The following NFKB1 variants were observed in gnomAD, a reference collection of about 807,000 sequenced individuals.
The protein encoded by NFKB1 is nuclear factor kappa B subunit 1, also known as nuclear factor NF-kappa-B p105 subunit.
Under a neutral mutation model 105.1 loss-of-function variants are expected in NFKB1, and 9 were observed. That is an observed-to-expected ratio of 0.09 (90% CI 0.05 to 0.15). The LOEUF is 0.15. Ranked by LOEUF, NFKB1 falls within the 10% of genes least tolerant of loss-of-function variation. The pLI is 1.00. For missense variants in NFKB1, 830 were observed against 1,203.7 expected (o/e 0.69, Z 4.59); for synonymous variants, 440 against 442.2 (o/e 1.00, Z 0.06).
chr4:102,570,820 A>G (rs1365705956), intron 6 of NFKB1, among the ~76,000 whole-genome samples: 1 of 152,210 alleles, frequency 6.6e-6, no homozygotes, highest in Non-Finnish European at 1.5e-5. Flanking sequence ...ACCCCTGCTT[A>G]ATGAAATAAA....
chr4:102,541,009 G>C (rs2149131689), intron 5 of NFKB1, among the ~76,000 whole-genome samples: 1 of 152,250 alleles, frequency 6.6e-6, no homozygotes, highest in South Asian at 2.1e-4. Flanking sequence ...GACTGTAAGG[G>C]AAACAGTGGG....
chr4:102,607,522 G>A, intron 18 of NFKB1, 127 bp from the exon 19 acceptor site: 1 of 1,181,600 alleles, frequency 8.5e-7, no homozygotes, highest in Non-Finnish European at 1.2e-6. Flanking sequence ...TTTCTTCAAT[G>A]ACAGAGCCAG....
Position 102,613,582 on chromosome 4 carries a change from G to GC in NFKB1, c.2749+1_2749+2insC. 1 of 1,606,558 alleles carries GC rather than the reference G, an allele frequency of 6.2e-7. No homozygotes were observed. ...CCTGCCTCCACAAGGCAGCAAATAG[G>GC]TAAAAAAAAAGACAAAAGACAGTGG... On this transcript the variant is annotated splice_donor_variant, in intron 23 of 23. Transcript: ENST00000226574. LOFTEE classifies it high-confidence loss of function.
intron 1 of NFKB1, among the ~76,000 whole-genome samples, chr4:102,522,383 C>A (rs112092818): frequency 2.0e-5 from 3 of 152,292 alleles, no homozygotes; most frequent in South Asian, 4.1e-4. Context: ...CTATCACCCA[C>A]GTGAGCCTTG....
chr4:102,570,501 T>C (rs1380327719), intron 6 of NFKB1, among the ~76,000 whole-genome samples: 1 of 152,204 alleles, frequency 6.6e-6, no homozygotes, highest in Non-Finnish European at 1.5e-5. Flanking sequence ...TTTGCTATTG[T>C]GGATACTGCC....
intron 20 of NFKB1, among the ~76,000 whole-genome samples, 199 bp downstream of exon 20, chr4:102,610,898 G>GA (rs1160842404): frequency 6.6e-6 from 1 of 152,178 alleles, no homozygotes; most frequent in African/African-American, 2.4e-5. Context: ...TTCTGAGTAC[G>GA]AAAGTGTATG....
chr4:102,611,722 A>G (rs1436912820), intron 20 of NFKB1, among the ~76,000 whole-genome samples: 2 of 152,202 alleles, frequency 1.3e-5, no homozygotes, highest in Non-Finnish European at 2.9e-5. Flanking sequence ...TCTGAGCAGG[A>G]GATGATTGAC....
intron 5 of NFKB1, among the ~76,000 whole-genome samples, chr4:102,539,311 C>T (rs1741849971): frequency 1.3e-5 from 2 of 151,638 alleles, no homozygotes; most frequent in Admixed American, 6.6e-5. Context: ...CTTCCTTTTC[C>T]TCTTATCCAT....
chr4:102,584,438 A>G (rs1725556328), intron 10 of NFKB1, among the ~76,000 whole-genome samples: 1 of 152,250 alleles, frequency 6.6e-6, no homozygotes, highest in South Asian at 2.1e-4. Flanking sequence ...CAAATGAAAT[A>G]ATAAAGCTTC....
At chr4:102,613,622 T>TC in intron 23 of NFKB1, 41 bp downstream of exon 23, 1 of 1,587,308 alleles carries the variant, frequency 6.3e-7, no homozygotes, top group Non-Finnish European at 8.6e-7. Flanking sequence ...ATTTTCCAGC[T>TC]CCCCCAGGCT....
chr4:102,503,102 C>T (rs1373004853), intron 1 of NFKB1, among the ~76,000 whole-genome samples: 1 of 152,006 alleles, frequency 6.6e-6, no homozygotes, highest in Non-Finnish European at 1.5e-5. Flanking sequence ...CTGTTTGAGG[C>T]ACTATAGGAA....
Position 102,616,535 on chromosome 4 carries a change from ACT to A in NFKB1, c.2855_2856del (p.Leu952GlnfsTer6). 6.2e-7 allele frequency: 1 copy of A among 1,614,058 alleles called. No homozygotes were observed. Among genetic ancestry groups the A allele is most frequent in the Non-Finnish European group, 8.5e-7 (1 of 1,180,008 alleles). ...TCTGACCAGTGGTGCCTCACTGCTA[ACT>A]CTCAACAAAATGCCCCATGATTATG... Reference protein sequence around the residue: ...ESLTSGASLLTLNKMPHDYGQ... With the variant: ...ESLTSGASLLXLNKMPHDYGQ... On this transcript the variant is annotated frameshift_variant, in exon 24 of 24. Coordinates refer to ENST00000226574, the MANE Select transcript of NFKB1 (RefSeq NM_003998.4). LOFTEE classifies it high-confidence loss of function.
At chr4:102,597,934 T>G (rs1250985268) in intron 15 of NFKB1, among the ~76,000 whole-genome samples, 1 of 152,222 alleles carries the variant, frequency 6.6e-6, no homozygotes, top group Admixed American at 6.5e-5. Context: ...TAGGTAATGG[T>G]ACTTTTTGAA....
At position 102,596,164 on chromosome 4, in the gene NFKB1, G is replaced by C. The variant is rs183929764; in HGVS notation, c.1327G>C (p.Asp443His). The C allele has an allele frequency of 6.2e-6, 10 of 1,605,100 alleles. No individual in the cohort carries two copies. In the East Asian group the frequency reaches 1.1e-4, roughly 18 times the overall value. Residue 443 changes from aspartate to histidine, a missense_variant, in exon 14 of 24, where the codon GAC (aspartate) becomes CAC (histidine). Around this residue, in one of 8 missense-constraint regions of NFKB1, gnomAD observed 163 missense variants for 164.3 expected, o/e 0.99. Transcript: ENST00000226574. ...HGTMDTESKKDPEGCDKSDDK... is the reference protein window; with the variant it reads ...HGTMDTESKKHPEGCDKSDDK... Reference sequence around the variant, plus strand: ...AACCATGGACACTGAATCTAAAAAGGACCCTGAAGGTTGTGACAAAAGTGA... The same window carrying C: ...AACCATGGACACTGAATCTAAAAAGCACCCTGAAGGTTGTGACAAAAGTGA...
chr4:102,610,274 C>T (rs1157838761), intron 19 of NFKB1, among the ~76,000 whole-genome samples: 1 of 152,170 alleles, frequency 6.6e-6, no homozygotes, highest in East Asian at 1.9e-4. Flanking sequence ...ATTAAAGATG[C>T]ACTATTCAGT....
At chr4:102,547,762 A>G (rs1292375786) in intron 5 of NFKB1, among the ~76,000 whole-genome samples, 2 of 152,050 alleles carry the variant, frequency 1.3e-5, no homozygotes, top group Non-Finnish European at 2.9e-5. Flanking sequence ...CAGTCTATTA[A>G]TTTATTTTTA....
At position 102,612,810 on chromosome 4, in the gene NFKB1, G is replaced by A. The variant is rs556291461; in HGVS notation, c.2592+204G>A. Among the ~76,000 whole-genome samples the A allele has an allele frequency of 3.9e-5, 6 of 151,966 alleles. No homozygotes were observed. The South Asian group carries it at 8.4e-4, about 21-fold the overall frequency. On this transcript the variant is annotated intron_variant, in intron 22 of 23. Coordinates refer to ENST00000226574, the MANE Select transcript of NFKB1 (RefSeq NM_003998.4). ...TTTCAGATACCTTCAGATTTTCCCC[G>A]TTTTCAAATACCTGGAGACTTCCTG...
chr4:102,534,028 T>G, intron 4 of NFKB1, 143 bp downstream of exon 4: 1 of 702,580 alleles, frequency 1.4e-6, no homozygotes, highest in South Asian at 1.8e-5. Context: ...TGTAACAGCT[T>G]TATTCATTCA....
At chr4:102,601,368 TATA>T (rs1342135671) in intron 16 of NFKB1, among the ~76,000 whole-genome samples, 2 of 152,208 alleles carry the variant, frequency 1.3e-5, no homozygotes, top group African/African-American at 4.8e-5. Context: ...GCCAGTAATT[TATA>T]ATAATTTTGA....
Sources: allele counts gnomAD v4.1 joint callset (sites outside exome capture counted in the v4.1 genomes callset), GRCh38; gene constraint gnomAD v4.1.1; regional missense constraint gnomAD v4.1.1; transcripts MANE v1.5; gene names NCBI Gene and HGNC (gene_info 2026-07-23, HGNC 2026-07-21).